Variants in METTL21C observed in about 807,000 individuals in gnomAD.
METTL21C encodes methyltransferase 21C, AARS1 lysine.
In METTL21C, 21 loss-of-function variants were observed where a neutral mutation model predicts 25.9. The ratio of observed to expected loss-of-function variants is 0.81; its 90% CI spans 0.58 to 1.17. METTL21C has a LOEUF of 1.17. METTL21C is among the 50% of genes most tolerant of loss of function. The pLI, the probability that METTL21C is intolerant of heterozygous loss-of-function variation, is 0.00. For synonymous variants in METTL21C, 125 were observed against 124.7 expected (o/e 1.00, Z -0.01); for missense variants, 312 against 315.1 (o/e 0.99, Z 0.07).
At chr13:102,698,085 C>T (rs894826046), upstream of METTL21C, among the ~76,000 whole-genome samples, 4 of 152,144 alleles carry the variant, frequency 2.6e-5, no homozygotes, top group African/African-American at 7.2e-5. Context: ...CCAGAATCAA[C>T]AGGAGCAAGT....
intron 2 of METTL21C, among the ~76,000 whole-genome samples, 197 bp from the exon 3 acceptor site, chr13:102,687,254 G>A (rs926854273): frequency 6.6e-6 from 1 of 152,118 alleles, no homozygotes; most frequent in African/African-American, 2.4e-5. Context: ...TGCATCTCAG[G>A]AACTGGGGAA....
rs748119880 is a variant in METTL21C, at chr13:102,686,381, G to A, written c.445C>T (p.Leu149Phe). ...ATDLPDVLGN[L>F]QYNLLKNTLQ... ...GTGTTTTTTAAAAGATTGTATTGAAGGTTTCCCAGGACATCAGGCAAATCT... is the reference window on the plus strand; with the variant it reads ...GTGTTTTTTAAAAGATTGTATTGAAAGTTTCCCAGGACATCAGGCAAATCT... The change falls in exon 4 of 4, where the codon CTT becomes TTT. Residue 149 changes from leucine (L) to phenylalanine (F), a missense_variant. Leu to Phe is a conservative substitution (Grantham distance 22, BLOSUM62 0). Coordinates refer to ENST00000267273, the MANE Select transcript of METTL21C (RefSeq NM_001010977.3). 6.2e-7 allele frequency: 1 copy of A among 1,613,818 alleles called. No individual in the cohort carries two copies.
At chr13:102,690,490 T>A (rs1341810592) in intron 2 of METTL21C, among the ~76,000 whole-genome samples, 1 of 151,950 alleles carries the variant, frequency 6.6e-6, no homozygotes. Flanking sequence ...AGATGCCCAC[T>A]GCAAAATCTA....
intron 2 of METTL21C, among the ~76,000 whole-genome samples, chr13:102,687,509 T>C (rs1656478739): frequency 6.6e-6 from 1 of 152,242 alleles, no homozygotes; most frequent in Admixed American, 6.5e-5. Flanking sequence ...AACACCTCTT[T>C]CCTGACTCCT....
At chr13:102,691,035 T>C in intron 1 of METTL21C, 71 bp from the exon 2 acceptor site, 1 of 1,527,988 alleles carries the variant, frequency 6.5e-7, no homozygotes, top group Non-Finnish European at 9.0e-7. Context: ...CTTGGTATAA[T>C]TGCTAAGATG....
upstream of METTL21C, among the ~76,000 whole-genome samples, chr13:102,695,943 G>GAC (rs1450321689): frequency 6.6e-6 from 1 of 152,116 alleles, no homozygotes; most frequent in African/African-American, 2.4e-5. Flanking sequence ...TATGCATGTA[G>GAC]ACACACACAT....
chr13:102,698,857 T>C (rs1457505186), upstream of METTL21C, among the ~76,000 whole-genome samples: 1 of 152,174 alleles, frequency 6.6e-6, no homozygotes, highest in African/African-American at 2.4e-5. Flanking sequence ...CACATCGGCC[T>C]TGAGATATAA....
chr13:102,703,325 C>G, the METTL21C span, among the ~76,000 whole-genome samples: 1 of 152,202 alleles, frequency 6.6e-6, no homozygotes, highest in Non-Finnish European at 1.5e-5. Flanking sequence ...TCTAGGTGCC[C>G]CGTAGCCAGG....
At chr13:102,688,672 G>T (rs1055819374) in intron 2 of METTL21C, among the ~76,000 whole-genome samples, 4 of 152,126 alleles carry the variant, frequency 2.6e-5, no homozygotes, top group East Asian at 1.9e-4. Context: ...TTGCTGTGGG[G>T]GCTGGGAGGA....
rs183952320 is a variant in METTL21C at position 102,691,301 on chromosome 13, C to T, written c.131-337G>A. On this transcript the variant is annotated intron_variant, in intron 1 of 3. Transcript: ENST00000267273. The stretch of plus-strand genomic sequence containing the variant: ...TGGCGAACTTACCAGCAAAATTGCA[C>T]GAATGAGCTGTCTGGATACAGAGGA... Among the ~76,000 whole-genome samples the T allele has an allele frequency of 7.9e-5, 12 of 151,356 alleles. No homozygotes were observed. The East Asian group carries it at 1.7e-3, about 22-fold the overall frequency.
intron 2 of METTL21C, 80 bp downstream of exon 2, chr13:102,690,733 C>A (rs1316158129): frequency 1.3e-6 from 2 of 1,515,186 alleles, no homozygotes; most frequent in Non-Finnish European, 1.8e-6. Flanking sequence ...AGGAACTTGA[C>A]AAATTGTCCA....
intron 1 of METTL21C, among the ~76,000 whole-genome samples, chr13:102,693,148 G>A (rs984246668): frequency 1.3e-5 from 2 of 151,976 alleles, no homozygotes; most frequent in Admixed American, 6.5e-5. Context: ...TGTTCCTACC[G>A]TACAGACACC....
chr13:102,696,919 G>C (rs1448898799), upstream of METTL21C, among the ~76,000 whole-genome samples: 1 of 152,162 alleles, frequency 6.6e-6, no homozygotes, highest in Non-Finnish European at 1.5e-5. Context: ...GATTGACGGG[G>C]GGCAGGGCAG....
chr13:102,690,327 A>G (rs995805474), intron 2 of METTL21C, among the ~76,000 whole-genome samples: 14 of 151,944 alleles, frequency 9.2e-5, no homozygotes, highest in African/African-American at 3.4e-4. Flanking sequence ...AGGCTGAGGC[A>G]GGAGAATTGC....
chr13:102,699,265 C>T (rs1236461800), upstream of METTL21C, among the ~76,000 whole-genome samples: 1 of 152,150 alleles, frequency 6.6e-6, no homozygotes, highest in Non-Finnish European at 1.5e-5. Flanking sequence ...CTGAAGTCTC[C>T]TCCAGCTATT....
chr13:102,692,273 G>A lies in METTL21C; in HGVS notation c.131-1309C>T, dbSNP rs551012285. On this transcript the variant is annotated intron_variant, in intron 1 of 3. Coordinates refer to ENST00000267273, the MANE Select transcript of METTL21C (RefSeq NM_001010977.3). ...GTGGGTCTTGGGAGAAACCTGGTCA[G>A]CAGGGCATCCCTCAGGTCGGGGGCA... 2.0e-5 allele frequency among the ~76,000 whole-genome samples: 3 copies of A among 148,166 alleles called. No individual in the cohort carries two copies. The East Asian group carries it at 6.1e-4, about 30-fold the overall frequency.
In METTL21C at chr13:102,690,370, A is replaced by G. The variant is rs9518808; in HGVS notation, c.282+443T>C. Reference sequence around the variant, plus strand: ...CAGGAGGTGGAGGTTGCAGTGAGCCAAGATCGTGTCACTGCACTCCAGCCT... The same window carrying G: ...CAGGAGGTGGAGGTTGCAGTGAGCCGAGATCGTGTCACTGCACTCCAGCCT... On this transcript the variant is annotated intron_variant, in intron 2 of 3. Coordinates refer to ENST00000267273, the MANE Select transcript of METTL21C (RefSeq NM_001010977.3). Among the ~76,000 whole-genome samples the G allele has an allele frequency of 2.8e-3, 422 of 151,766 alleles. 1 individual carries two copies. The highest frequency in any genetic ancestry group is 4.9e-3 in the Non-Finnish European group (332 of 67,888).
Position 102,690,746 on chromosome 13 carries a change from G to A in METTL21C, c.282+67C>T, listed in dbSNP as rs1461988447. The A allele has an allele frequency of 3.8e-6, 6 of 1,558,488 alleles. No homozygotes were observed. In the South Asian group the frequency reaches 4.8e-5, roughly 13 times the overall value. Reference sequence around the variant, plus strand: ...GAAGGAACTTGACAAATTGTCCAAGGCAACTCTGAAGTACGGAATTGTTAT... The same window carrying A: ...GAAGGAACTTGACAAATTGTCCAAGACAACTCTGAAGTACGGAATTGTTAT... On this transcript the variant is annotated intron_variant, in intron 2 of 3. Transcript: ENST00000267273.
At chr13:102,690,768 T>G in intron 2 of METTL21C, 45 bp downstream of exon 2, 15 of 1,599,850 alleles carry the variant, frequency 9.4e-6, no homozygotes, top group Non-Finnish European at 1.3e-5. Context: ...TACGGAATTG[T>G]TATCTCCAGA....
Sources: allele counts gnomAD v4.1 joint callset (sites outside exome capture counted in the v4.1 genomes callset), GRCh38; gene constraint gnomAD v4.1.1; transcripts MANE v1.5; gene names NCBI Gene and HGNC (gene_info 2026-07-23, HGNC 2026-07-21).